The following PITPNM2 variants were observed in gnomAD, a reference collection of about 807,000 sequenced individuals.
PITPNM2 encodes phosphatidylinositol transfer protein membrane associated 2.
PITPNM2 carries 35 observed loss-of-function variants against 132.2 expected under a neutral mutation model. The ratio of observed to expected loss-of-function variants is 0.26; its 90% CI spans 0.20 to 0.35. PITPNM2 has a LOEUF of 0.35. Among genes scored for constraint, PITPNM2 ranks in the 10% least tolerant of loss-of-function variants. PITPNM2 has a pLI of 1.00. For missense variants in PITPNM2, 1,332 were observed against 1,912.0 expected (o/e 0.70, Z 5.66); for synonymous variants, 738 against 799.2 (o/e 0.92, Z 1.29).
chr12:122,997,694 C>T (rs1423956052), intron 10 of PITPNM2, 122 bp from the exon 11 acceptor site: 2 of 1,386,194 alleles, frequency 1.4e-6, no homozygotes, highest in South Asian at 1.4e-5. Flanking sequence ...TCTGAGAACC[C>T]CAGTTTTGGT....
intron 3 of PITPNM2, chr12:123,021,750 GT>G (rs1479109943): frequency 2.1e-6 from 2 of 962,382 alleles, no homozygotes; most frequent in African/African-American, 3.5e-5. Flanking sequence ...TTAGAGCATA[GT>G]TTCTGTGGTT....
chr12:123,030,049 G>C (rs1197452624), intron 3 of PITPNM2, among the ~76,000 whole-genome samples: 1 of 124,178 alleles, frequency 8.1e-6, no homozygotes, highest in Non-Finnish European at 1.8e-5. Flanking sequence ...ACAGGAAACT[G>C]CGAGGATTCA....
intron 1 of PITPNM2, among the ~76,000 whole-genome samples, chr12:123,131,729 T>C (rs766121537): frequency 2.6e-5 from 4 of 152,208 alleles, no homozygotes; most frequent in South Asian, 2.1e-4. Context: ...TCCTAGCCTG[T>C]GTCTGTGCTA....
At chr12:122,991,938 C>T (rs768825642) in intron 16 of PITPNM2, 1 of 1,304,706 alleles carries the variant, frequency 7.7e-7, no homozygotes. Flanking sequence ...CAAGAACAGA[C>T]ACTTGCATGG....
chr12:123,003,699 G>GC (rs2038795034), intron 8 of PITPNM2, among the ~76,000 whole-genome samples: 2 of 152,324 alleles, frequency 1.3e-5, no homozygotes, highest in Non-Finnish European at 1.5e-5. Context: ...CTATGGGCTC[G>GC]CCCCCATCCC....
chr12:123,013,525 A>T (rs1484073578), intron 4 of PITPNM2, among the ~76,000 whole-genome samples: 1 of 152,134 alleles, frequency 6.6e-6, no homozygotes, highest in Non-Finnish European at 1.5e-5. Context: ...GTGGGTTTAC[A>T]TTCCCTGCAT....
At chr12:123,148,708 T>TA (rs1295652541) in intron 1 of PITPNM2, among the ~76,000 whole-genome samples, 2 of 152,072 alleles carry the variant, frequency 1.3e-5, no homozygotes, top group African/African-American at 4.8e-5. Context: ...CTAAGTACCT[T>TA]ACTGTGCAGC....
At chr12:123,140,686 G>T (rs924155409) in intron 1 of PITPNM2, among the ~76,000 whole-genome samples, 1 of 152,002 alleles carries the variant, frequency 6.6e-6, no homozygotes. Flanking sequence ...TGACTCTCAA[G>T]TAAGACTCCT....
At chr12:123,033,469 A>C (rs887351144) in intron 3 of PITPNM2, among the ~76,000 whole-genome samples, 7 of 152,166 alleles carry the variant, frequency 4.6e-5, no homozygotes, top group Non-Finnish European at 7.4e-5. Context: ...GAGTAGGGAG[A>C]CTGGAGGTGT....
chr12:123,056,763 C>A (rs1202965718), intron 2 of PITPNM2, among the ~76,000 whole-genome samples: 1 of 152,180 alleles, frequency 6.6e-6, no homozygotes, highest in African/African-American at 2.4e-5. Flanking sequence ...TCTCTCCATA[C>A]CCAGCCCAAT....
At chr12:123,040,985 G>A (rs1024678327) in intron 2 of PITPNM2, among the ~76,000 whole-genome samples, 2 of 152,196 alleles carry the variant, frequency 1.3e-5, no homozygotes, top group Admixed American at 6.5e-5. Context: ...TTTATTACCT[G>A]ATGTTTCAGA....
chr12:123,078,000 G>A lies in PITPNM2; in HGVS notation c.-96+32385C>T, dbSNP rs1326504461. 6.6e-6 allele frequency among the ~76,000 whole-genome samples: 1 copy of A among 152,116 alleles called. No homozygotes were observed. The highest frequency in any genetic ancestry group is 1.9e-4 in the East Asian group (1 of 5,172). On this transcript the variant is annotated intron_variant, in intron 2 of 25. Coordinates refer to ENST00000320201, the MANE Select transcript of PITPNM2 (RefSeq NM_020845.3). The surrounding 1 kb of genome is among the most constrained non-coding windows in gnomAD (Gnocchi z 4.8). ...ATGCCTGGAGACAGAGGACACTGAGGAGCACGCGTGTCCCCAGGATGGGTG... is the reference window on the plus strand; with the variant it reads ...ATGCCTGGAGACAGAGGACACTGAGAAGCACGCGTGTCCCCAGGATGGGTG...
At chr12:123,119,992 G>A (rs540514552) in intron 1 of PITPNM2, among the ~76,000 whole-genome samples, 5 of 152,158 alleles carry the variant, frequency 3.3e-5, no homozygotes, top group South Asian at 2.1e-4. Flanking sequence ...TGGTGAAGTC[G>A]TGTTACCTAC....
chr12:123,134,225 A>G (rs1007390055), intron 1 of PITPNM2, among the ~76,000 whole-genome samples: 3 of 151,994 alleles, frequency 2.0e-5, no homozygotes, highest in African/African-American at 7.3e-5. Context: ...CACCACGCCC[A>G]CCTAATTTTT....
rs118144087 is a variant in PITPNM2 at position 123,062,128 on chromosome 12, C to T, written c.-95-27443G>A. On this transcript the variant is annotated intron_variant, in intron 2 of 25. Transcript: ENST00000320201. ...GCACCTGGGACCCTGATGCTTGCTG[C>T]TTCCCATTTCAACAAATCCAGGGAG... is the stretch of plus-strand genomic sequence containing the variant. Among the ~76,000 whole-genome samples, 1,185 of 152,246 alleles carry T rather than the reference C, an allele frequency of 7.8e-3. 10 individuals are homozygous for T. Among genetic ancestry groups the T allele is most frequent in the Non-Finnish European group, 0.013 (863 of 68,000 alleles).
chr12:123,021,705 G>T (rs1437762600), intron 3 of PITPNM2: 22 of 985,106 alleles, frequency 2.2e-5, no homozygotes, highest in Non-Finnish European at 2.4e-5. Flanking sequence ...GTCCAAGAGG[G>T]GCTCCCTCTC....
At chr12:123,142,355 C>A (rs1281785305) in intron 1 of PITPNM2, among the ~76,000 whole-genome samples, 10 of 152,226 alleles carry the variant, frequency 6.6e-5, no homozygotes, top group African/African-American at 2.4e-4. Context: ...ATTAAGTAAG[C>A]CACTTCAAAA....
intron 2 of PITPNM2, among the ~76,000 whole-genome samples, chr12:123,086,515 G>A (rs1447527949): frequency 3.3e-5 from 5 of 152,208 alleles, no homozygotes; most frequent in African/African-American, 4.8e-5. Context: ...GGAGGTGTGG[G>A]TCAGCGATCC....
chr12:123,095,219 T>C lies in PITPNM2; in HGVS notation c.-96+15166A>G, dbSNP rs946457938. Among the ~76,000 whole-genome samples the C allele has an allele frequency of 2.0e-5, 3 of 152,108 alleles. No individual in the cohort carries two copies. Among genetic ancestry groups the C allele is most frequent in the Admixed American group, 6.5e-5 (1 of 15,278 alleles). ...GGCTGCTCCCCTGGGGAGTCGGTTA[T>C]CTCTGCTCCAGACCCTGGCTTTTGG... On this transcript the variant is annotated intron_variant, in intron 2 of 25. Coordinates refer to ENST00000320201, the MANE Select transcript of PITPNM2 (RefSeq NM_020845.3). The surrounding 1 kb of genome is among the most constrained non-coding windows in gnomAD (Gnocchi z 5.0).
Sources: gnomAD v4.1 joint callset for allele counts (sites outside exome capture counted in the v4.1 genomes callset) on GRCh38, gnomAD v4.1.1 for gene constraint, Gnocchi (gnomAD v3.1) non-coding constraint, MANE v1.5 for transcripts, NCBI Gene and HGNC (gene_info 2026-07-23, HGNC 2026-07-21) for gene names.